Variants in DOCK3 observed in about 807,000 individuals in gnomAD.
DOCK3 encodes the protein dedicator of cytokinesis protein 3.
In DOCK3, 60 loss-of-function variants were observed where a neutral mutation model predicts 265.6. That is an observed-to-expected ratio of 0.23 (90% CI 0.18 to 0.28). DOCK3 has a LOEUF of 0.28. Ranked by LOEUF, DOCK3 falls within the 10% of genes least tolerant of loss-of-function variation. The pLI, the probability that DOCK3 is intolerant of heterozygous loss-of-function variation, is 1.00. For missense variants in DOCK3, 1,981 were observed against 2,594.3 expected (o/e 0.76, Z 5.14); for synonymous variants, 881 against 938.0 (o/e 0.94, Z 1.11).
chr3:51,097,772 A>G (rs922526237), intron 9 of DOCK3, among the ~76,000 whole-genome samples: 2 of 152,150 alleles, frequency 1.3e-5, no homozygotes, highest in African/African-American at 2.4e-5. Flanking sequence ...CTGGTCTATG[A>G]GTTGCGAAGA....
intron 3 of DOCK3, among the ~76,000 whole-genome samples, chr3:50,842,990 C>T (rs985602980): frequency 8.5e-5 from 13 of 152,102 alleles, no homozygotes; most frequent in African/African-American, 2.7e-4. Context: ...TGAGGATCAG[C>T]GCGTGGACTG....
chr3:50,696,404 T>C (rs1326582160), intron 1 of DOCK3, among the ~76,000 whole-genome samples: 3 of 152,178 alleles, frequency 2.0e-5, no homozygotes, highest in Non-Finnish European at 1.5e-5. Flanking sequence ...CACATCGAGT[T>C]CACAAAGGTA....
chr3:51,368,283 G>A (rs895198356), intron 49 of DOCK3, among the ~76,000 whole-genome samples: 3 of 152,208 alleles, frequency 2.0e-5, no homozygotes, highest in African/African-American at 7.2e-5. Flanking sequence ...AATGCAAGGG[G>A]TCGGGGAGTT....
At chr3:51,033,054 A>T (rs2108968443) in intron 5 of DOCK3, among the ~76,000 whole-genome samples, 1 of 152,348 alleles carries the variant, frequency 6.6e-6, no homozygotes, top group Non-Finnish European at 1.5e-5. Flanking sequence ...TCTATTATTA[A>T]CTGAAGAAAA....
chr3:51,049,793 CCACACACA>C (rs34449511), intron 5 of DOCK3, among the ~76,000 whole-genome samples: 1 of 147,214 alleles, frequency 6.8e-6, no homozygotes, highest in Non-Finnish European at 1.5e-5. Context: ...CCTAATGGGT[CCACACACA>C]CACACACACA....
chr3:51,331,860 T>G (rs2084541304), intron 33 of DOCK3, among the ~76,000 whole-genome samples: 1 of 152,194 alleles, frequency 6.6e-6, no homozygotes, highest in Non-Finnish European at 1.5e-5. Flanking sequence ...TTTCCCAATT[T>G]TCCATGCTTG....
chr3:51,316,501 C>G (rs2083373550), intron 32 of DOCK3, among the ~76,000 whole-genome samples: 1 of 152,142 alleles, frequency 6.6e-6, no homozygotes, highest in African/African-American at 2.4e-5. Flanking sequence ...ATTGTTGGGC[C>G]TTGTGACAAG....
At chr3:51,127,704 G>A (rs2084330514) in intron 9 of DOCK3, among the ~76,000 whole-genome samples, 1 of 152,166 alleles carries the variant, frequency 6.6e-6, no homozygotes, top group African/African-American at 2.4e-5. Context: ...GTCATAGCTG[G>A]TATTGATGAC....
intron 23 of DOCK3, among the ~76,000 whole-genome samples, chr3:51,267,756 C>G (rs2080276579): frequency 1.3e-5 from 2 of 152,064 alleles, no homozygotes; most frequent in Non-Finnish European, 2.9e-5. Flanking sequence ...GCCCATCAGT[C>G]ATAGACTAGA....
At chr3:50,948,799 G>A (rs1402198084) in intron 5 of DOCK3, among the ~76,000 whole-genome samples, 1 of 152,052 alleles carries the variant, frequency 6.6e-6, no homozygotes, top group Non-Finnish European at 1.5e-5. Context: ...ACTCTAAAAT[G>A]TGTATGGAAA....
intron 27 of DOCK3, among the ~76,000 whole-genome samples, chr3:51,281,291 A>ATATATATATATATATATATATATATATC (rs1307778770): frequency 7.9e-6 from 1 of 127,138 alleles, no homozygotes; most frequent in African/African-American, 3.0e-5. Flanking sequence ...ATATATATAT[A>ATATATATATATATATATATATATATATC]TATATATATA....
At chr3:51,187,731 C>T (rs1216441737) in intron 12 of DOCK3, among the ~76,000 whole-genome samples, 4 of 147,368 alleles carry the variant, frequency 2.7e-5, no homozygotes, top group East Asian at 2.0e-4. Context: ...TTTTAAAAAA[C>T]GGGAGTTTCT....
At chr3:51,164,210 A>T (rs966084043) in intron 12 of DOCK3, among the ~76,000 whole-genome samples, 2 of 150,034 alleles carry the variant, frequency 1.3e-5, no homozygotes, top group South Asian at 4.1e-4. Flanking sequence ...GCTCTTTTTT[A>T]AAAAAATGTC....
chr3:51,024,396 T>C (rs1195583464), intron 5 of DOCK3, among the ~76,000 whole-genome samples: 1 of 152,212 alleles, frequency 6.6e-6, no homozygotes, highest in East Asian at 1.9e-4. Context: ...GGGTAGTCAC[T>C]GGTTGTAGCT....
intron 22 of DOCK3, among the ~76,000 whole-genome samples, chr3:51,250,007 T>A (rs1392546571): frequency 6.6e-6 from 1 of 151,948 alleles, no homozygotes; most frequent in Non-Finnish European, 1.5e-5. Flanking sequence ...ACGTGCTGTG[T>A]CCACTCAGAG....
rs577720077 is a variant in DOCK3, at chr3:51,004,789, G to T, written c.316-59659G>T. 1.5e-4 allele frequency among the ~76,000 whole-genome samples: 22 copies of T among 142,786 alleles called. No individual in the cohort carries two copies. In the South Asian group the frequency reaches 5.0e-3, roughly 33 times the overall value. 93.7% of individuals were successfully genotyped at this position (142,786 alleles called of 152,430 possible). ...GGTCAGACTGTAAATGTAGAACAGT[G>T]ATGATCACAATGACTTACTATATAG... is the stretch of plus-strand genomic sequence containing the variant. On this transcript the variant is annotated intron_variant, in intron 5 of 52. Coordinates refer to ENST00000266037, the MANE Select transcript of DOCK3 (RefSeq NM_004947.5).
intron 5 of DOCK3, among the ~76,000 whole-genome samples, chr3:51,035,583 T>C (rs899272122): frequency 7.2e-5 from 11 of 152,322 alleles, no homozygotes; most frequent in Middle Eastern, 3.4e-3. Context: ...GTTGACTGTC[T>C]TTTCCTCTGA....
In DOCK3 at chr3:50,698,517, GTTTTTTT is replaced by G; in HGVS notation, c.37+23236_37+23242del. Among the ~76,000 whole-genome samples, 41 of 19,516 alleles carry G rather than the reference GTTTTTTT, an allele frequency of 2.1e-3. 1 individual carries two copies. Among genetic ancestry groups the G allele is most frequent in the South Asian group, 0.012 (3 of 248 alleles). 12.8% of individuals were successfully genotyped at this position (19,516 alleles called of 152,430 possible). On this transcript the variant is annotated intron_variant, in intron 1 of 52. Transcript: ENST00000266037. ...GTTTCTCTGTGGATGTATGTTTTTG[GTTTTTTT>G]TTTTTTTTTTTTTTTTTTGCTATAT...
At chr3:50,975,686 C>G (rs2077419214) in intron 5 of DOCK3, among the ~76,000 whole-genome samples, 1 of 152,110 alleles carries the variant, frequency 6.6e-6, no homozygotes, top group South Asian at 2.1e-4. Context: ...TCCCTCTTTT[C>G]CTATAGATTG....
Sources: allele counts gnomAD v4.1 joint callset (sites outside exome capture counted in the v4.1 genomes callset), GRCh38; gene constraint gnomAD v4.1.1; transcripts MANE v1.5; gene names NCBI Gene and HGNC (gene_info 2026-07-23, HGNC 2026-07-21).